PCNX2: variants seen among roughly 807,000 people sequenced by gnomAD.
The protein encoded by PCNX2 is pecanex-like protein 2.
A neutral mutation model predicts 223.8 loss-of-function variants in PCNX2; 168 were observed. The ratio of observed to expected loss-of-function variants is 0.75; its 90% CI spans 0.66 to 0.85. PCNX2 has a LOEUF of 0.85. Ranked by LOEUF, PCNX2 falls within the 40% of genes least tolerant of loss-of-function variation. The pLI is 0.00. For missense variants in PCNX2, 2,507 were observed against 2,675.5 expected (o/e 0.94, Z 1.39); for synonymous variants, 1,006 against 1,052.6 (o/e 0.96, Z 0.86).
chr1:233,046,061 G>C (rs555021378), intron 25 of PCNX2, among the ~76,000 whole-genome samples: 1 of 152,342 alleles, frequency 6.6e-6, no homozygotes, highest in Non-Finnish European at 1.5e-5. Context: ...TCCCTTTCAG[G>C]GAGAGGAAGA....
the PCNX2 span, among the ~76,000 whole-genome samples, chr1:233,310,031 T>C: frequency 6.6e-6 from 1 of 152,322 alleles, no homozygotes; most frequent in Non-Finnish European, 1.5e-5. Flanking sequence ...TATGTGTATG[T>C]CAACTATGAA....
intron 25 of PCNX2, among the ~76,000 whole-genome samples, chr1:233,030,565 A>G (rs990031057): frequency 3.9e-5 from 6 of 152,158 alleles, no homozygotes; most frequent in Admixed American, 1.3e-4. Context: ...CAGGAAGTTA[A>G]TTTATCTGCC....
At chr1:233,318,429 T>C in the PCNX2 span, among the ~76,000 whole-genome samples, 1 of 152,012 alleles carries the variant, frequency 6.6e-6, no homozygotes, top group Admixed American at 6.6e-5. Flanking sequence ...TCCAAGAAAA[T>C]ATCCTTTTCT....
intron 1 of PCNX2, among the ~76,000 whole-genome samples, chr1:233,290,380 G>A (rs1661692346): frequency 6.6e-6 from 1 of 152,180 alleles, no homozygotes; most frequent in South Asian, 2.1e-4. Flanking sequence ...CTAGAAGGAT[G>A]GACAAATGGA....
At chr1:233,197,715 G>C (rs1297879813) in intron 15 of PCNX2, among the ~76,000 whole-genome samples, 2 of 152,036 alleles carry the variant, frequency 1.3e-5, no homozygotes, top group Admixed American at 1.3e-4. Context: ...GTGAAATATT[G>C]AGAGAGAAAA....
At chr1:233,014,829 A>G (rs1214837207) in intron 27 of PCNX2, 52 bp from the exon 28 acceptor site, 1 of 1,400,552 alleles carries the variant, frequency 7.1e-7, no homozygotes, top group Non-Finnish European at 1.0e-6. Context: ...AATATGTACC[A>G]ACACACAGGC....
chr1:233,164,661 C>T (rs2102829259), intron 17 of PCNX2, among the ~76,000 whole-genome samples: 1 of 151,180 alleles, frequency 6.6e-6, no homozygotes, highest in East Asian at 1.9e-4. Context: ...ATGTGATATA[C>T]ACAAACACAC....
intron 19 of PCNX2, among the ~76,000 whole-genome samples, chr1:233,147,917 G>C (rs1452498966): frequency 6.6e-6 from 1 of 152,176 alleles, no homozygotes; most frequent in African/African-American, 2.4e-5. Context: ...ATCTTTTGGG[G>C]AACTGGAAAC....
At chr1:233,217,261 C>T (rs2102926703) in intron 12 of PCNX2, among the ~76,000 whole-genome samples, 1 of 152,192 alleles carries the variant, frequency 6.6e-6, no homozygotes, top group Admixed American at 6.5e-5. Context: ...ATAGATATGT[C>T]AAACAGCTTG....
intron 12 of PCNX2, among the ~76,000 whole-genome samples, chr1:233,213,050 A>G (rs1165870604): frequency 1.3e-5 from 2 of 152,330 alleles, no homozygotes; most frequent in Admixed American, 6.5e-5. Context: ...TGAGATAAAC[A>G]TAAGAAAAAT....
intron 15 of PCNX2, among the ~76,000 whole-genome samples, chr1:233,183,510 C>T (rs61823894): frequency 5.3e-5 from 8 of 152,142 alleles, no homozygotes; most frequent in Non-Finnish European, 1.2e-4. Context: ...TGAAATGCTG[C>T]GGAAGTGATG....
intron 7 of PCNX2, among the ~76,000 whole-genome samples, chr1:233,251,734 C>A (rs990043102): frequency 1.3e-5 from 2 of 152,194 alleles, no homozygotes; most frequent in African/African-American, 4.8e-5. Flanking sequence ...GATCCTTTTG[C>A]GAGTAAAATA....
Position 233,259,265 on chromosome 1 carries a change from C to T in PCNX2, c.597G>A (p.Ala199=), listed in dbSNP as rs200747953. 7.1e-5 allele frequency: 114 copies of T among 1,613,776 alleles called. No homozygotes were observed. The highest frequency in any genetic ancestry group is 6.7e-5 in the Non-Finnish European group (79 of 1,179,878). Residue 199 remains alanine, a synonymous_variant, in exon 5 of 34, where the codon GCG becomes GCA. Transcript: ENST00000258229. Reference sequence around the variant, plus strand: ...TGGTTTCCAGCATGTGTGCTTGAGACGCAGGTAAGCTTTCCACTTTGATAC... The same window carrying T: ...TGGTTTCCAGCATGTGTGCTTGAGATGCAGGTAAGCTTTCCACTTTGATAC... ...SPGIKVESLP[A]SQAHMLETTT...
the PCNX2 span, among the ~76,000 whole-genome samples, chr1:233,305,347 T>C: frequency 8.5e-5 from 13 of 152,344 alleles, no homozygotes; most frequent in Admixed American, 2.0e-4. Flanking sequence ...TTTTATATAA[T>C]ATTGAAATGA....
chr1:233,168,090 C>G (rs1678908175), intron 17 of PCNX2, among the ~76,000 whole-genome samples: 2 of 152,002 alleles, frequency 1.3e-5, no homozygotes. Context: ...ATAGTGAATT[C>G]TACTGTGTTA....
intron 1 of PCNX2, chr1:233,285,085 G>T: frequency 1.1e-6 from 1 of 884,868 alleles, no homozygotes; most frequent in Non-Finnish European, 1.4e-6. Flanking sequence ...GGGTGCAGTG[G>T]TTCACGCCTG....
intron 21 of PCNX2, among the ~76,000 whole-genome samples, chr1:233,113,986 G>C (rs760536411): frequency 6.6e-6 from 1 of 152,194 alleles, no homozygotes; most frequent in African/African-American, 2.4e-5. Context: ...ACTGTGTTCT[G>C]CAAATTGGGG....
intron 21 of PCNX2, among the ~76,000 whole-genome samples, chr1:233,130,889 G>A (rs977104925): frequency 6.6e-6 from 1 of 151,992 alleles, no homozygotes; most frequent in Admixed American, 6.6e-5. Context: ...TAGGGAGGTA[G>A]AGAATATCAT....
intron 22 of PCNX2, among the ~76,000 whole-genome samples, chr1:233,094,453 C>T (rs182796913): frequency 6.6e-6 from 1 of 152,280 alleles, no homozygotes; most frequent in Admixed American, 6.5e-5. Context: ...TTTTCCTTAG[C>T]TTGTTCTGCC....
Sources: allele counts gnomAD v4.1 joint callset (sites outside exome capture counted in the v4.1 genomes callset), GRCh38; gene constraint gnomAD v4.1.1; transcripts MANE v1.5; gene names NCBI Gene and HGNC (gene_info 2026-07-23, HGNC 2026-07-21).